The following CMPK1 variants were observed in gnomAD, a reference collection of about 807,000 sequenced individuals.
CMPK1 encodes the protein cytidine/uridine monophosphate kinase 1.
CMPK1 carries 10 observed loss-of-function variants against 25.7 expected under a neutral mutation model. The observed-to-expected ratio is 0.39, with a 90% CI of 0.24 to 0.66. CMPK1 has a LOEUF of 0.66. CMPK1 is among the 30% of genes least tolerant of loss of function. The pLI, the probability that CMPK1 is intolerant of heterozygous loss-of-function variation, is 0.48. For missense variants in CMPK1, 199 were observed against 280.5 expected (o/e 0.71, Z 2.08); for synonymous variants, 106 against 101.5 (o/e 1.04, Z -0.27).
chr1:47,342,649 C>CTTTTTTTTTTTTTTTTTT (rs11334963), intron 1 of CMPK1, among the ~76,000 whole-genome samples: 27 of 116,416 alleles, frequency 2.3e-4, no homozygotes, highest in Non-Finnish European at 3.6e-4. Flanking sequence ...TCTCTTTTTT[C>CTTTTTTTTTTTTTTTTTT]TTTTTTTTTT....
chr1:47,350,553 T>G (rs1416517362), intron 1 of CMPK1, among the ~76,000 whole-genome samples: 1 of 152,100 alleles, frequency 6.6e-6, no homozygotes, highest in African/African-American at 2.4e-5. Flanking sequence ...TGCCCAGCTA[T>G]TTTGGTTGCT....
chr1:47,346,028 G>T (rs939744113), intron 1 of CMPK1, among the ~76,000 whole-genome samples: 1 of 151,786 alleles, frequency 6.6e-6, no homozygotes. Context: ...AGAGGTGTGA[G>T]CCACAATGCC....
chr1:47,366,110 C>T (rs1367593760), intron 1 of CMPK1, among the ~76,000 whole-genome samples: 1 of 152,156 alleles, frequency 6.6e-6, no homozygotes, highest in Non-Finnish European at 1.5e-5. Context: ...ACGCGAATTG[C>T]TTGAACCTGG....
At chr1:47,371,999 A>G (rs1003922871) in intron 2 of CMPK1, among the ~76,000 whole-genome samples, 4 of 151,822 alleles carry the variant, frequency 2.6e-5, no homozygotes, top group Non-Finnish European at 5.9e-5. Context: ...TCCCAAATCC[A>G]TTCAGTGAGC....
intron 1 of CMPK1, among the ~76,000 whole-genome samples, chr1:47,340,945 C>CT (rs1646437382): frequency 6.6e-6 from 1 of 151,924 alleles, no homozygotes; most frequent in African/African-American, 2.4e-5. Context: ...CAAATTTTTT[C>CT]TTTTTTAAGA....
Sources: gnomAD v4.1 joint callset for allele counts (sites outside exome capture counted in the v4.1 genomes callset) on GRCh38, gnomAD v4.1.1 for gene constraint, MANE v1.5 for transcripts, NCBI Gene and HGNC (gene_info 2026-07-23, HGNC 2026-07-21) for gene names.